ZFHX3: variants seen among roughly 807,000 people sequenced by gnomAD.
ZFHX3 encodes the protein zinc finger homeobox 3.
In ZFHX3, 42 loss-of-function variants were observed where a neutral mutation model predicts 279.1. The observed-to-expected ratio is 0.15, with a 90% CI of 0.12 to 0.19. The LOEUF (loss-of-function observed/expected upper bound fraction) is 0.19. Among genes scored for constraint, ZFHX3 ranks in the 10% least tolerant of loss-of-function variants. The pLI is 1.00. For missense variants in ZFHX3, 4,981 were observed against 4,754.0 expected (o/e 1.05, Z -1.40); for synonymous variants, 2,293 against 1,957.8 (o/e 1.17, Z -4.52).
chr16:72,916,275 T>A (rs929331170), intron 3 of ZFHX3, among the ~76,000 whole-genome samples: 1 of 152,186 alleles, frequency 6.6e-6, no homozygotes, highest in South Asian at 2.1e-4. Flanking sequence ...TTAATGACAT[T>A]TGATTTTGTA....
chr16:73,055,099 C>T (rs913773289), intron 1 of ZFHX3, among the ~76,000 whole-genome samples: 9 of 149,374 alleles, frequency 6.0e-5, no homozygotes, highest in Non-Finnish European at 1.2e-4. Context: ...TAACAAATTA[C>T]GACCTAAACA....
chr16:72,843,974 A>G (rs2037414150), intron 4 of ZFHX3, among the ~76,000 whole-genome samples: 1 of 152,164 alleles, frequency 6.6e-6, no homozygotes, highest in Non-Finnish European at 1.5e-5. Flanking sequence ...ACATTTAAAG[A>G]AAGGACAAGA....
At chr16:73,488,345 G>A (rs963430126) in intron 2 of ZFHX3, among the ~76,000 whole-genome samples, 6 of 152,162 alleles carry the variant, frequency 3.9e-5, no homozygotes, top group African/African-American at 1.2e-4. Flanking sequence ...GATGAAAAGA[G>A]CAACATGGAC....
At chr16:73,280,701 A>G (rs950849350) in intron 4 of ZFHX3, among the ~76,000 whole-genome samples, 7 of 152,084 alleles carry the variant, frequency 4.6e-5, no homozygotes, top group Non-Finnish European at 1.0e-4. Flanking sequence ...AGAGGTGGCC[A>G]GGCATGGTGG....
At chr16:73,105,046 C>T (rs1378467572) in intron 7 of ZFHX3, among the ~76,000 whole-genome samples, 1 of 152,100 alleles carries the variant, frequency 6.6e-6, no homozygotes, top group Non-Finnish European at 1.5e-5. Flanking sequence ...AGCCATCACT[C>T]ACTGTGCTTG....
intron 7 of ZFHX3, 34 bp from the exon 8 acceptor site, chr16:72,800,163 A>C (rs370800580): frequency 6.4e-7 from 1 of 1,558,436 alleles, no homozygotes; most frequent in East Asian, 2.2e-5. Flanking sequence ...TCAAATGGAG[A>C]GGAAAGCGAC....
intron 2 of ZFHX3, among the ~76,000 whole-genome samples, chr16:73,508,133 G>A (rs2019360104): frequency 6.6e-6 from 1 of 152,170 alleles, no homozygotes; most frequent in Admixed American, 6.5e-5. Flanking sequence ...GGCTCACAGA[G>A]AGGTTAGTGA....
At chr16:73,379,418 C>T (rs2016782455) in intron 3 of ZFHX3, among the ~76,000 whole-genome samples, 2 of 152,104 alleles carry the variant, frequency 1.3e-5, no homozygotes, top group South Asian at 4.1e-4. Flanking sequence ...GGAAAAGCAG[C>T]ATACAATATA....
In ZFHX3 at chr16:73,844,868, AGG is replaced by A. The variant is rs554225420; in HGVS notation, c.-1608+46781_-1608+46782del. Among the ~76,000 whole-genome samples, 244 of 151,994 alleles carry A rather than the reference AGG, an allele frequency of 1.6e-3. 1 individual carries two copies. The highest frequency in any genetic ancestry group is 5.7e-3 in the African/African-American group (236 of 41,480). ...TTGATAGATGGATAGGTAGGTAGGT[AGG>A]TAGGTAGGCGGATGGTAGGAAGATG... On this transcript the variant is annotated intron_variant, in intron 1 of 17. Coordinates refer to the ZFHX3 transcript ENST00000641206.
At chr16:73,709,971 C>T (rs930429814) in intron 1 of ZFHX3, among the ~76,000 whole-genome samples, 1 of 152,138 alleles carries the variant, frequency 6.6e-6, no homozygotes, top group Non-Finnish European at 1.5e-5. Context: ...CACCTGAGGT[C>T]AGGAATTCAA....
chr16:72,896,200 C>G (rs1247587978), intron 3 of ZFHX3, among the ~76,000 whole-genome samples: 1 of 152,124 alleles, frequency 6.6e-6, no homozygotes, highest in African/African-American at 2.4e-5. Context: ...GGAAACGAAG[C>G]CAGGGTTCAT....
intron 1 of ZFHX3, among the ~76,000 whole-genome samples, chr16:73,838,762 CTGTGTGTG>C (rs34111835): frequency 1.1e-3 from 160 of 147,878 alleles, no homozygotes; most frequent in African/African-American, 3.0e-3. Context: ...GTGTGTGTGT[CTGTGTGTG>C]TGTGTGTGTG....
intron 3 of ZFHX3, among the ~76,000 whole-genome samples, chr16:73,339,942 T>C (rs754697124): frequency 2.6e-5 from 4 of 152,138 alleles, no homozygotes; most frequent in Non-Finnish European, 5.9e-5. Flanking sequence ...AGCAAATTAC[T>C]TGTAAAGTTG....
chr16:73,245,941 TAGGCTATACTTCAGTG>T (rs2013268358), intron 5 of ZFHX3, among the ~76,000 whole-genome samples: 1 of 152,152 alleles, frequency 6.6e-6, no homozygotes, highest in Non-Finnish European at 1.5e-5. Flanking sequence ...TGGACCATGA[TAGGCTATACTTCAGTG>T]AGATGTGGGC....
At chr16:73,890,354 A>T (rs962957566) in intron 1 of ZFHX3, among the ~76,000 whole-genome samples, 10 of 152,112 alleles carry the variant, frequency 6.6e-5, no homozygotes, top group Non-Finnish European at 1.3e-4. Context: ...GGGGGCAGCG[A>T]ATGTTCCATT....
At chr16:72,877,312 C>T (rs1166118618) in intron 4 of ZFHX3, among the ~76,000 whole-genome samples, 2 of 152,164 alleles carry the variant, frequency 1.3e-5, no homozygotes, top group East Asian at 3.9e-4. Context: ...ACTCGCAGCG[C>T]TGGGGCCACC....
At chr16:73,114,950 G>A (rs1597161925) in intron 7 of ZFHX3, among the ~76,000 whole-genome samples, 2 of 152,064 alleles carry the variant, frequency 1.3e-5, no homozygotes, top group African/African-American at 2.4e-5. Flanking sequence ...ATGCCACCAT[G>A]CCTAGCTGAT....
intron 1 of ZFHX3, among the ~76,000 whole-genome samples, chr16:73,709,984 C>A (rs1162777402): frequency 6.6e-6 from 1 of 151,924 alleles, no homozygotes; most frequent in Non-Finnish European, 1.5e-5. Context: ...GAATTCAAGA[C>A]CAGTCTGGCC....
At chr16:72,991,783 G>A (rs895891643) in intron 1 of ZFHX3, among the ~76,000 whole-genome samples, 4 of 151,986 alleles carry the variant, frequency 2.6e-5, no homozygotes, top group African/African-American at 9.7e-5. Flanking sequence ...TTTTTTCAGG[G>A]TGTTTCACCC....
Sources: allele counts gnomAD v4.1 joint callset (sites outside exome capture counted in the v4.1 genomes callset), GRCh38; gene constraint gnomAD v4.1.1; transcripts MANE v1.5; gene names NCBI Gene and HGNC (gene_info 2026-07-23, HGNC 2026-07-21).